Variants in NOX4 observed in about 807,000 individuals in gnomAD.
NOX4 encodes the protein kidney oxidase-1.
NOX4 carries 69 observed loss-of-function variants against 87.6 expected under a neutral mutation model. That is an observed-to-expected ratio of 0.79 (90% confidence interval 0.65 to 0.96). The LOEUF is 0.96. Among genes scored for constraint, NOX4 ranks in the 40% least tolerant of loss-of-function variants. NOX4 has a pLI of 0.00. For missense variants in NOX4, 680 were observed against 681.5 expected (o/e 1.00, Z 0.02); for synonymous variants, 275 against 238.2 (o/e 1.15, Z -1.42).
At chr11:89,465,142 C>T (rs1004504598) in intron 2 of NOX4, among the ~76,000 whole-genome samples, 7 of 152,024 alleles carry the variant, frequency 4.6e-5, no homozygotes, top group African/African-American at 1.7e-4. Flanking sequence ...CTCCCCTAGC[C>T]CCCCACCACC....
At chr11:89,503,348 C>T in the NOX4 span, among the ~76,000 whole-genome samples, 1 of 151,804 alleles carries the variant, frequency 6.6e-6, no homozygotes, top group Non-Finnish European at 1.5e-5. Flanking sequence ...AGTGATGATA[C>T]TCATTAATAA....
chr11:89,403,537 C>T (rs577604321), intron 8 of NOX4, among the ~76,000 whole-genome samples: 8 of 152,146 alleles, frequency 5.3e-5, no homozygotes, highest in Non-Finnish European at 2.9e-5. Context: ...GTCAGGAGTT[C>T]GAGACCAGCC....
At position 89,325,852 on chromosome 11, in the gene NOX4, T is replaced by C. The variant is rs1477330379; in HGVS notation, c.*904A>G. The C allele has an allele frequency of 6.7e-6, 1 of 148,154 alleles. No individual in the cohort carries two copies. The highest frequency in any genetic ancestry group is 1.5e-5 in the Non-Finnish European group (1 of 67,216). The allele number at this position is 148,154 out of a possible 1,614,324, so 9.2% of individuals were successfully genotyped here. ...ACAATAATAATAATAGAGACAAAAA[T>C]GCTGAAAAAAGGGAAAAGTTATTAG... On this transcript the variant is annotated 3_prime_UTR_variant, in exon 18 of 18. Coordinates refer to ENST00000263317, the MANE Select transcript of NOX4 (RefSeq NM_016931.5).
chr11:89,561,430 T>C, the NOX4 span, among the ~76,000 whole-genome samples: 1 of 152,080 alleles, frequency 6.6e-6, no homozygotes, highest in Non-Finnish European at 1.5e-5. Context: ...GAACAATCTA[T>C]ACAACTGTCT....
chr11:89,499,761 C>T (rs1007861487), upstream of NOX4, among the ~76,000 whole-genome samples: 3 of 152,258 alleles, frequency 2.0e-5, no homozygotes, highest in South Asian at 6.2e-4. Context: ...CAGACAACTG[C>T]CAGTCAAAGA....
At chr11:89,571,627 A>T in the NOX4 span, among the ~76,000 whole-genome samples, 2 of 151,626 alleles carry the variant, frequency 1.3e-5, no homozygotes, top group Non-Finnish European at 2.9e-5. Flanking sequence ...ATTACTGCCT[A>T]CTCTAAGAGC....
intron 6 of NOX4, among the ~76,000 whole-genome samples, chr11:89,439,129 T>C (rs1299401585): frequency 6.8e-6 from 1 of 147,282 alleles, no homozygotes; most frequent in Non-Finnish European, 1.5e-5. Flanking sequence ...TTTGTGTCTT[T>C]GTAAACTAAA....
intron 8 of NOX4, among the ~76,000 whole-genome samples, chr11:89,417,448 A>G (rs1469262876): frequency 6.6e-6 from 1 of 152,152 alleles, no homozygotes; most frequent in East Asian, 1.9e-4. Context: ...CCTCCCAAAA[A>G]GGTATATTAA....
chr11:89,339,199 G>A (rs1945862732), intron 15 of NOX4, among the ~76,000 whole-genome samples: 3 of 152,092 alleles, frequency 2.0e-5, no homozygotes, highest in Admixed American at 2.0e-4. Context: ...GAATTGTTCA[G>A]TAAACTAGAT....
chr11:89,540,891 A>G, the NOX4 span, among the ~76,000 whole-genome samples: 1 of 147,024 alleles, frequency 6.8e-6, no homozygotes, highest in Middle Eastern at 3.4e-3. Context: ...TCTCTACCTG[A>G]GGTCCTTTCT....
At chr11:89,487,930 T>C (rs1946696701) in intron 2 of NOX4, among the ~76,000 whole-genome samples, 1 of 152,150 alleles carries the variant, frequency 6.6e-6, no homozygotes, top group East Asian at 1.9e-4. Flanking sequence ...ACTTCATAGA[T>C]AGTAAAACTG....
chr11:89,506,223 G>A, the NOX4 span, among the ~76,000 whole-genome samples: 1,755 of 144,292 alleles, frequency 0.012, 38 homozygotes, highest in African/African-American at 0.042. Context: ...GAAAGAAAGA[G>A]AGAAAGAAAG....
At chr11:89,518,874 C>T in the NOX4 span, among the ~76,000 whole-genome samples, 1 of 151,198 alleles carries the variant, frequency 6.6e-6, no homozygotes, top group Non-Finnish European at 1.5e-5. Context: ...TAATAATTTT[C>T]CATTTAAAGA....
intron 7 of NOX4, among the ~76,000 whole-genome samples, chr11:89,425,647 A>G (rs1469191425): frequency 3.3e-5 from 5 of 151,972 alleles, no homozygotes; most frequent in Non-Finnish European, 5.9e-5. Flanking sequence ...GAGAGAAAAA[A>G]TGATTTGGGG....
chr11:89,465,952 T>C (rs1206641964), intron 2 of NOX4, among the ~76,000 whole-genome samples: 1 of 152,152 alleles, frequency 6.6e-6, no homozygotes, highest in African/African-American at 2.4e-5. Flanking sequence ...TGGGATCTGA[T>C]TAAACTAAAG....
chr11:89,427,232 C>G (rs1793884807), intron 7 of NOX4, among the ~76,000 whole-genome samples: 1 of 152,098 alleles, frequency 6.6e-6, no homozygotes, highest in African/African-American at 2.4e-5. Context: ...ATGTCACCAT[C>G]ATCAAAGACC....
the NOX4 span, among the ~76,000 whole-genome samples, chr11:89,504,713 A>G: frequency 6.6e-6 from 1 of 151,976 alleles, no homozygotes; most frequent in Non-Finnish European, 1.5e-5. Context: ...ATTAATACAG[A>G]CATCTGTTTC....
chr11:89,511,893 C>T, the NOX4 span, among the ~76,000 whole-genome samples: 1 of 152,028 alleles, frequency 6.6e-6, no homozygotes, highest in South Asian at 2.1e-4. Flanking sequence ...AAGACGAGGA[C>T]AATTTACTGA....
At chr11:89,392,909 G>A (rs1052613103) in intron 11 of NOX4, among the ~76,000 whole-genome samples, 1 of 152,088 alleles carries the variant, frequency 6.6e-6, no homozygotes, top group South Asian at 2.1e-4. Context: ...TCATAACAGA[G>A]ACCATTTGGA....
Sources: allele counts gnomAD v4.1 joint callset (sites outside exome capture counted in the v4.1 genomes callset), GRCh38; gene constraint gnomAD v4.1.1; transcripts MANE v1.5; gene names NCBI Gene and HGNC (gene_info 2026-07-23, HGNC 2026-07-21).